Variants in DOCK7 observed in about 807,000 individuals in gnomAD.
The protein encoded by DOCK7 is dedicator of cytokinesis 7.
A neutral mutation model predicts 271.0 loss-of-function variants in DOCK7; 138 were observed. The observed-to-expected ratio is 0.51, with a 90% CI of 0.44 to 0.59. DOCK7 has a LOEUF of 0.59. Among genes scored for constraint, DOCK7 ranks in the 20% least tolerant of loss-of-function variants. The pLI is 0.00. For synonymous variants in DOCK7, 823 were observed against 876.1 expected (o/e 0.94, Z 1.07); for missense variants, 2,066 against 2,592.4 (o/e 0.80, Z 4.41).
At chr1:62,637,946 A>G (rs1263082036) in intron 7 of DOCK7, among the ~76,000 whole-genome samples, 1 of 152,202 alleles carries the variant, frequency 6.6e-6, no homozygotes, top group Non-Finnish European at 1.5e-5. Context: ...TCCCTTAGTA[A>G]AACCCAACTA....
At chr1:62,538,177 T>C in intron 27 of DOCK7, 116 bp from the exon 28 acceptor site, 1 of 1,138,204 alleles carries the variant, frequency 8.8e-7, no homozygotes. Flanking sequence ...AGTTTGGGTT[T>C]TGTGGCTTAA....
chr1:62,455,095 G>C lies in DOCK7; in HGVS notation c.*319C>G, dbSNP rs1571151687. The C allele has an allele frequency of 2.0e-6, 1 of 511,120 alleles. No individual in the cohort carries two copies. The highest frequency in any genetic ancestry group is 3.1e-5 in the East Asian group (1 of 32,048). The allele number at this position is 511,120 out of a possible 1,614,324, so 31.7% of individuals were successfully genotyped here. On this transcript the variant is annotated 3_prime_UTR_variant, in exon 50 of 50. Coordinates refer to ENST00000635253, the MANE Select transcript of DOCK7 (RefSeq NM_001367561.1). ...ATGGTTCCAAAATGAATCTATAAAT[G>C]GTAATATAAATTAAAAAATACGAAC...
At chr1:62,670,768 C>T (rs1007784650) in intron 1 of DOCK7, among the ~76,000 whole-genome samples, 5 of 152,102 alleles carry the variant, frequency 3.3e-5, no homozygotes, top group East Asian at 1.9e-4. Context: ...ACAGGCCACT[C>T]GACTCTACCA....
At chr1:62,645,793 T>C (rs1656574550) in intron 7 of DOCK7, among the ~76,000 whole-genome samples, 1 of 152,174 alleles carries the variant, frequency 6.6e-6, no homozygotes, top group Non-Finnish European at 1.5e-5. Flanking sequence ...CACTGACTGA[T>C]AAATGGATTA....
chr1:62,648,884 G>A (rs1431976387), intron 4 of DOCK7, among the ~76,000 whole-genome samples: 1 of 151,888 alleles, frequency 6.6e-6, no homozygotes, highest in Non-Finnish European at 1.5e-5. Context: ...ATGAGAAATA[G>A]AAAACATACA....
intron 14 of DOCK7, chr1:62,598,830 G>T (rs752424288): frequency 7.2e-7 from 1 of 1,391,504 alleles, no homozygotes; most frequent in African/African-American, 1.4e-5. Flanking sequence ...TTAATGGTAT[G>T]TCCCATCTTT....
intron 43 of DOCK7, chr1:62,484,666 T>C (rs1646240769): frequency 1.3e-5 from 2 of 152,140 alleles, no homozygotes; most frequent in African/African-American, 4.8e-5. Flanking sequence ...TTTTTCTAAT[T>C]TTCTGTAGAG....
intron 11 of DOCK7, among the ~76,000 whole-genome samples, 173 bp downstream of exon 11, chr1:62,631,067 C>A (rs2149622000): frequency 6.6e-6 from 1 of 152,096 alleles, no homozygotes; most frequent in South Asian, 2.1e-4. Flanking sequence ...CATCTGTAAT[C>A]TCAGCTACTC....
In DOCK7 at chr1:62,457,567, G is replaced by A. The variant is rs747104940; in HGVS notation, c.6351C>T (p.Tyr2117=). 1.2e-6 allele frequency: 2 copies of A among 1,614,050 alleles called. No homozygotes were observed. Among genetic ancestry groups the A allele is most frequent in the African/African-American group, 2.7e-5 (2 of 74,924 alleles). The change falls in exon 49 of 50, where the codon TAC becomes TAT. Residue 2117 remains tyrosine, a synonymous_variant. Coordinates refer to ENST00000635253, the MANE Select transcript of DOCK7 (RefSeq NM_001367561.1). ...GGCAGGTGACAGGCAATACTGCCTT[G>A]TATAACTGAGGGATCTTTCTGTTGA... The part of the protein sequence containing the change: ...PLINRKIPQL[Y]KAVLPVTCHR...
intron 48 of DOCK7, among the ~76,000 whole-genome samples, chr1:62,466,608 G>A (rs1480824164): frequency 6.6e-6 from 1 of 152,100 alleles, no homozygotes; most frequent in East Asian, 1.9e-4. Context: ...TAACACCGAA[G>A]GTCTTGAAGT....
At position 62,618,720 on chromosome 1, in the gene DOCK7, T is replaced by C. The variant is rs765035231; in HGVS notation, c.1668A>G (p.Pro556=). The C allele has an allele frequency of 6.2e-7, 1 of 1,613,352 alleles. No homozygotes were observed. Among genetic ancestry groups the C allele is most frequent in the Non-Finnish European group, 8.5e-7 (1 of 1,179,358 alleles). ...LEFPARDVYV[P]NTTYRNLLYI... ...AAATCTCTTACCTGTAAGTAGTGTT[T>C]GGAACATAAACATCCCTTGCGGGAA... Residue 556 remains proline, a synonymous_variant, in exon 14 of 50, where the codon CCA becomes CCG. Transcript: ENST00000635253.
intron 37 of DOCK7, among the ~76,000 whole-genome samples, chr1:62,502,816 A>G (rs1179309055): frequency 6.6e-6 from 1 of 152,182 alleles, no homozygotes; most frequent in Non-Finnish European, 1.5e-5. Flanking sequence ...ATAGAATTCC[A>G]GGACGTATGT....
chr1:62,681,473 A>ATGTATACATATGTAACAAACC (rs1457048489), intron 1 of DOCK7, among the ~76,000 whole-genome samples: 258 of 151,772 alleles, frequency 1.7e-3, no homozygotes, highest in Non-Finnish European at 3.4e-3. Context: ...AACATGGCGC[A>ATGTATACATATGTAACAAACC]TGTATACATA....
chr1:62,563,309 T>C (rs1307562222), intron 18 of DOCK7, among the ~76,000 whole-genome samples: 2 of 152,160 alleles, frequency 1.3e-5, no homozygotes, highest in African/African-American at 4.8e-5. Context: ...TAGAGTCGCA[T>C]GGTAACTATA....
At chr1:62,562,871 A>G (rs1343633142) in intron 18 of DOCK7, among the ~76,000 whole-genome samples, 1 of 152,092 alleles carries the variant, frequency 6.6e-6, no homozygotes, top group Non-Finnish European at 1.5e-5. Flanking sequence ...CCAGCTAGTT[A>G]CAAGGGAACA....
intron 14 of DOCK7, chr1:62,605,503 C>T (rs1320374134): frequency 6.6e-6 from 1 of 152,366 alleles, no homozygotes; most frequent in Non-Finnish European, 1.5e-5. Flanking sequence ...TATCACTATA[C>T]CTTATTTGTT....
intron 31 of DOCK7, among the ~76,000 whole-genome samples, chr1:62,527,271 A>G (rs184476333): frequency 7.6e-4 from 116 of 152,312 alleles, no homozygotes; most frequent in African/African-American, 2.6e-3. Context: ...ATAAAAAAGT[A>G]TAAATATTCA....
chr1:62,477,663 C>T (rs1368273669), intron 44 of DOCK7, 37 bp downstream of exon 44: 1 of 1,545,470 alleles, frequency 6.5e-7, no homozygotes, highest in East Asian at 2.3e-5. Context: ...AGAATACAAA[C>T]TAAAGATGAC....
intron 16 of DOCK7, 149 bp downstream of exon 16, chr1:62,583,035 G>A (rs1412546388): frequency 7.1e-6 from 4 of 562,194 alleles, no homozygotes; most frequent in East Asian, 5.4e-5. Context: ...GAATGGCTGT[G>A]CATCCACAGG....
Sources: gnomAD v4.1 joint callset for allele counts (sites outside exome capture counted in the v4.1 genomes callset) on GRCh38, gnomAD v4.1.1 for gene constraint, MANE v1.5 for transcripts, NCBI Gene and HGNC (gene_info 2026-07-23, HGNC 2026-07-21) for gene names.